FHIT: variants seen among roughly 807,000 people sequenced by gnomAD.
FHIT encodes bis(5'-adenosyl)-triphosphatase.
In FHIT, 19 loss-of-function variants were observed where a neutral mutation model predicts 17.9. That is an observed-to-expected ratio of 1.06 (90% confidence interval 0.74 to 1.56). The LOEUF is 1.56. Among genes scored for constraint, FHIT ranks in the 40% most tolerant of loss-of-function variants. FHIT has a pLI of 0.00. For synonymous variants in FHIT, 81 were observed against 69.7 expected, an observed-to-expected ratio of 1.16 and a Z score of -0.81; for missense variants, 248 against 189.2, an observed-to-expected ratio of 1.31 and a Z score of -1.82.
chr3:59,748,114 A>G lies in FHIT; in HGVS notation c.*1471T>C, dbSNP rs1390452681. On this transcript the variant is annotated 3_prime_UTR_variant, in exon 10 of 10. Transcript: ENST00000492590. ...GTTGCTAAGGCAAGCAACTATGCAGAGCTGGAAATCATCAGCATTGTTTTT... is the reference window on the plus strand; with the variant it reads ...GTTGCTAAGGCAAGCAACTATGCAGGGCTGGAAATCATCAGCATTGTTTTT... Among the ~76,000 whole-genome samples the G allele has an allele frequency of 1.3e-5, 2 of 152,154 alleles. No homozygotes were observed. The highest frequency in any genetic ancestry group is 2.9e-5 in the Non-Finnish European group (2 of 68,014).
chr3:60,507,456 T>C (rs1036076248), intron 5 of FHIT, among the ~76,000 whole-genome samples: 3 of 152,212 alleles, frequency 2.0e-5, no homozygotes, highest in African/African-American at 7.2e-5. Context: ...GAAAGGAAGC[T>C]AGCAAAGGTT....
chr3:60,079,713 C>T (rs1703193410), intron 5 of FHIT, among the ~76,000 whole-genome samples: 1 of 152,088 alleles, frequency 6.6e-6, no homozygotes, highest in African/African-American at 2.4e-5. Context: ...TTCCTTACTT[C>T]ACCACCTGTC....
chr3:61,009,935 CT>C (rs2031692981), intron 3 of FHIT, among the ~76,000 whole-genome samples: 1 of 152,112 alleles, frequency 6.6e-6, no homozygotes, highest in Non-Finnish European at 1.5e-5. Context: ...GGAGAGAATT[CT>C]ATGACAAGGT....
chr3:60,198,391 TAC>T (rs1702742897), intron 5 of FHIT, among the ~76,000 whole-genome samples: 1 of 152,188 alleles, frequency 6.6e-6, no homozygotes, highest in Non-Finnish European at 1.5e-5. Context: ...GGAATGTGAT[TAC>T]AGAGTAAATT....
chr3:60,540,844 C>T (rs1034633260), intron 4 of FHIT, among the ~76,000 whole-genome samples: 2 of 152,094 alleles, frequency 1.3e-5, no homozygotes, highest in African/African-American at 4.8e-5. Context: ...CCCAGTGGTA[C>T]AAGATAATGG....
At chr3:59,963,124 G>A (rs1707761575) in intron 7 of FHIT, among the ~76,000 whole-genome samples, 2 of 152,006 alleles carry the variant, frequency 1.3e-5, no homozygotes, top group Admixed American at 6.6e-5. Flanking sequence ...AAATTTGCTG[G>A]GCATGGTGGC....
intron 8 of FHIT, among the ~76,000 whole-genome samples, chr3:59,754,904 C>G (rs904874387): frequency 5.3e-5 from 8 of 152,034 alleles, no homozygotes; most frequent in Non-Finnish European, 8.8e-5. Flanking sequence ...GCACTCAACC[C>G]TGGTTGGTTG....
chr3:60,231,816 T>C (rs1451318488), intron 5 of FHIT, among the ~76,000 whole-genome samples: 1 of 152,210 alleles, frequency 6.6e-6, no homozygotes, highest in East Asian at 1.9e-4. Context: ...TAGGTATTCC[T>C]GTGAAAGGAT....
chr3:60,838,575 AT>A (rs1170804395), intron 3 of FHIT, among the ~76,000 whole-genome samples: 2 of 152,114 alleles, frequency 1.3e-5, no homozygotes, highest in East Asian at 3.9e-4. Flanking sequence ...TCCTGAGGAT[AT>A]TTTCACAGGC....
At chr3:60,555,322 G>A (rs946893851) in intron 4 of FHIT, among the ~76,000 whole-genome samples, 2 of 152,192 alleles carry the variant, frequency 1.3e-5, no homozygotes, top group Non-Finnish European at 2.9e-5. Flanking sequence ...TACTGTAGCT[G>A]AGAGGTTCTT....
intron 8 of FHIT, among the ~76,000 whole-genome samples, chr3:59,775,204 G>A (rs1430209113): frequency 6.6e-6 from 1 of 152,134 alleles, no homozygotes; most frequent in East Asian, 1.9e-4. Flanking sequence ...GGTCCTGGGG[G>A]TGTTTAGGGT....
intron 3 of FHIT, among the ~76,000 whole-genome samples, chr3:60,945,194 G>A (rs182064552): frequency 3.2e-4 from 48 of 152,148 alleles, no homozygotes; most frequent in African/African-American, 1.0e-3. Flanking sequence ...CAAATATCTC[G>A]GGGAGAAGAT....
chr3:60,309,944 AC>A lies in FHIT; in HGVS notation c.103+226915del, dbSNP rs367682633. On this transcript the variant is annotated intron_variant, in intron 5 of 9. Transcript: ENST00000492590. ...ATCACACGTGCTTTCAGTCCACTTC[AC>A]ATTCGAGTGTCTCATTTCATAAGAC... is the stretch of plus-strand genomic sequence containing the variant. 5.5e-4 allele frequency among the ~76,000 whole-genome samples: 83 copies of A among 152,218 alleles called. No individual in the cohort carries two copies. The East Asian group carries it at 0.011, about 20-fold the overall frequency.
chr3:59,903,651 A>T (rs887119816), intron 8 of FHIT, among the ~76,000 whole-genome samples: 17 of 152,216 alleles, frequency 1.1e-4, no homozygotes, highest in African/African-American at 3.9e-4. Context: ...GGATTATTGT[A>T]GCCTGGAGTA....
intron 4 of FHIT, among the ~76,000 whole-genome samples, chr3:60,687,968 AC>A (rs2040896583): frequency 6.6e-6 from 1 of 151,810 alleles, no homozygotes; most frequent in South Asian, 2.1e-4. Context: ...TGCCAAGATT[AC>A]TTTTTTTTTT....
At chr3:60,486,849 TA>T (rs5849369) in intron 5 of FHIT, among the ~76,000 whole-genome samples, 14,607 of 152,170 alleles carry the variant, frequency 0.096, 1,111 homozygotes, top group East Asian at 0.39. Flanking sequence ...AAAGTCAGTT[TA>T]AACGTGCTTC....
chr3:60,692,525 C>A (rs1237024252), intron 4 of FHIT, among the ~76,000 whole-genome samples: 3 of 152,044 alleles, frequency 2.0e-5, no homozygotes, highest in Non-Finnish European at 4.4e-5. Flanking sequence ...GTTGACTGGC[C>A]ATTGCTGATA....
chr3:59,910,622 G>A (rs527439192), intron 8 of FHIT, among the ~76,000 whole-genome samples: 11 of 152,160 alleles, frequency 7.2e-5, no homozygotes, highest in Non-Finnish European at 1.3e-4. Flanking sequence ...ATTTTTAGCA[G>A]GTTGTAAGTC....
chr3:60,633,872 AG>A (rs1466241215), intron 4 of FHIT, among the ~76,000 whole-genome samples: 1 of 152,232 alleles, frequency 6.6e-6, no homozygotes, highest in Non-Finnish European at 1.5e-5. Flanking sequence ...TGCCAGGGAA[AG>A]GTTTCAGACC....
Sources: gnomAD v4.1 joint callset for allele counts (sites outside exome capture counted in the v4.1 genomes callset) on GRCh38, gnomAD v4.1.1 for gene constraint, MANE v1.5 for transcripts, NCBI Gene and HGNC (gene_info 2026-07-23, HGNC 2026-07-21) for gene names.